The following ZMIZ1 variants were observed in gnomAD, a reference collection of about 807,000 sequenced individuals.
ZMIZ1 encodes zinc finger MIZ-type containing 1.
In ZMIZ1, 17 loss-of-function variants were observed where a neutral mutation model predicts 113.9. That is an observed-to-expected ratio of 0.15 (90% CI 0.10 to 0.22). The LOEUF is 0.22. Among genes scored for constraint, ZMIZ1 ranks in the 10% least tolerant of loss-of-function variants. The probability of loss-of-function intolerance (pLI) is 1.00; values close to 1 mark genes in which losing one functional copy is unlikely to be tolerated. For synonymous variants in ZMIZ1, 607 were observed against 603.1 expected (o/e 1.01, Z -0.09); for missense variants, 1,059 against 1,477.8 (o/e 0.72, Z 4.65).
chr10:79,186,897 CTT>C (rs1337862762), intron 4 of ZMIZ1, among the ~76,000 whole-genome samples: 2 of 152,226 alleles, frequency 1.3e-5, no homozygotes, highest in African/African-American at 4.8e-5. Flanking sequence ...TGCCCACTCT[CTT>C]AACCATCTGC....
chr10:79,173,957 G>A (rs1016774075), intron 4 of ZMIZ1, among the ~76,000 whole-genome samples: 1 of 152,184 alleles, frequency 6.6e-6, no homozygotes, highest in African/African-American at 2.4e-5. Flanking sequence ...AAAGATCAGG[G>A]AAGCTTCTTG....
At chr10:79,191,693 G>A (rs1847610283) in intron 4 of ZMIZ1, among the ~76,000 whole-genome samples, 1 of 152,198 alleles carries the variant, frequency 6.6e-6, no homozygotes, top group Non-Finnish European at 1.5e-5. Flanking sequence ...AGTTGAGGGA[G>A]GTCTGCCATA....
At chr10:79,141,867 C>T (rs1255380456) in intron 3 of ZMIZ1, among the ~76,000 whole-genome samples, 2 of 152,224 alleles carry the variant, frequency 1.3e-5, no homozygotes, top group East Asian at 1.9e-4. Context: ...GGAGGACCCA[C>T]TCCTGTAGGC....
At chr10:79,305,433 G>C in intron 20 of ZMIZ1, 100 bp from the exon 21 acceptor site, 2 of 1,388,692 alleles carry the variant, frequency 1.4e-6, no homozygotes, top group Non-Finnish European at 2.0e-6. Flanking sequence ...GTAGTAACCA[G>C]CAGCAGGGGT....
At chr10:79,203,296 C>G in intron 5 of ZMIZ1, among the ~76,000 whole-genome samples, 1 of 152,194 alleles carries the variant, frequency 6.6e-6, no homozygotes, top group East Asian at 1.9e-4. Flanking sequence ...ATCTTAAAGT[C>G]TATGCAGGGT....
At chr10:79,082,791 C>T (rs989317748) in intron 1 of ZMIZ1, among the ~76,000 whole-genome samples, 1 of 152,174 alleles carries the variant, frequency 6.6e-6, no homozygotes, top group Non-Finnish European at 1.5e-5. Context: ...CCAGGCCCTG[C>T]GTCACTTCCA....
At chr10:79,172,476 C>A (rs943952036) in intron 4 of ZMIZ1, among the ~76,000 whole-genome samples, 49 of 152,190 alleles carry the variant, frequency 3.2e-4, no homozygotes, top group African/African-American at 1.2e-3. Context: ...GCCAGGGCAT[C>A]ATTTATTTGA....
In ZMIZ1 at chr10:79,297,685, A is replaced by G; in HGVS notation, c.1486A>G (p.Asn496Asp). Residue 496 changes from asparagine to aspartate, a missense_variant, in exon 14 of 25, where the codon AAC (asparagine) becomes GAC (aspartate). Asn to Asp is a conservative substitution (Grantham distance 23). Coordinates refer to ENST00000334512, the MANE Select transcript of ZMIZ1 (RefSeq NM_020338.4). ...CAGTAACTACAGCCAAGGGAATGTC[A>G]ACAGGGTATGTTCCAATTTAATTTA... ...SYSNYSQGNV[N>D]RPPRPVPVAN... The G allele has an allele frequency of 6.2e-7, 1 of 1,611,680 alleles. No individual in the cohort carries two copies. The highest frequency in any genetic ancestry group is 8.5e-7 in the Non-Finnish European group (1 of 1,177,770).
rs1309575802 is a variant in ZMIZ1 at position 79,166,003 on chromosome 10, G to GTGTGT, written c.-50+3870_-50+3871insTGTGT. ...GTGTGTGTGTGTGTGTGTGTGTGTG[G>GTGTGT]GCTCTCCCTGCAGGGTGGGGCAGTG... On this transcript the variant is annotated intron_variant, in intron 4 of 24. Transcript: ENST00000334512. Among the ~76,000 whole-genome samples the GTGTGT allele has an allele frequency of 1.2e-3, 54 of 44,508 alleles. 1 individual carries two copies. Among genetic ancestry groups the GTGTGT allele is most frequent in the African/African-American group, 5.4e-3 (47 of 8,658 alleles). The allele number at this position is 44,508 out of a possible 152,430, so 29.2% of individuals were successfully genotyped here. A position where few individuals can be genotyped will look rare whatever the true frequency, so the allele number is the denominator to read the frequency against.
chr10:79,125,001 G>T (rs915954163), intron 2 of ZMIZ1, among the ~76,000 whole-genome samples: 3 of 152,020 alleles, frequency 2.0e-5, no homozygotes, highest in African/African-American at 7.2e-5. Context: ...GTGTGGTCCA[G>T]TCTAAGACTT....
At chr10:79,168,838 T>C (rs1181043096) in intron 4 of ZMIZ1, among the ~76,000 whole-genome samples, 1 of 152,168 alleles carries the variant, frequency 6.6e-6, no homozygotes, top group Non-Finnish European at 1.5e-5. Context: ...CCCTGGCTGC[T>C]GGGTGAGCTG....
At chr10:79,224,732 C>G (rs141145958) in intron 7 of ZMIZ1, among the ~76,000 whole-genome samples, 1 of 152,136 alleles carries the variant, frequency 6.6e-6, no homozygotes, top group African/African-American at 2.4e-5. Context: ...TAGGGGAAGG[C>G]CAGGCTGCTG....
rs1173116775 is a variant in ZMIZ1 at position 79,296,252 on chromosome 10, A to G, written c.1231-219A>G. On this transcript the variant is annotated intron_variant, in intron 12 of 24. Coordinates refer to ENST00000334512, the MANE Select transcript of ZMIZ1 (RefSeq NM_020338.4). The surrounding 1 kb of genome is among the most constrained non-coding windows in gnomAD (Gnocchi z 4.1). The stretch of plus-strand genomic sequence containing the variant: ...CAGGGGCACATGTGCTCCAGGAAGA[A>G]CGGCCTCAAGGGGAGGTGGCCTATG... 2 of 593,840 alleles carry G rather than the reference A, an allele frequency of 3.4e-6. No individual in the cohort carries two copies. The highest frequency in any genetic ancestry group is 6.0e-6 in the Non-Finnish European group (2 of 330,824). The allele number at this position is 593,840 out of a possible 1,614,324, so 36.8% of individuals were successfully genotyped here.
chr10:79,078,570 C>CTTTTT lies in ZMIZ1; in HGVS notation c.-337+9318_-337+9322dup, dbSNP rs34178865. Among the ~76,000 whole-genome samples the CTTTTT allele has an allele frequency of 1.2e-3, 107 of 87,792 alleles. 1 individual carries two copies. The highest frequency in any genetic ancestry group is 9.1e-3 in the Middle Eastern group (1 of 110). 57.6% of individuals were successfully genotyped at this position (87,792 alleles called of 152,430 possible). ...GACTACAGACACCACCCACCCCCGACTTTTTTTTTTTTTTTTTTTTTTGGA... is the reference window on the plus strand; with the variant it reads ...GACTACAGACACCACCCACCCCCGACTTTTTTTTTTTTTTTTTTTTTTTTTTTGGA... On this transcript the variant is annotated intron_variant, in intron 1 of 24. Transcript: ENST00000334512.
At chr10:79,098,789 G>T (rs1418976743) in intron 1 of ZMIZ1, among the ~76,000 whole-genome samples, 1 of 152,212 alleles carries the variant, frequency 6.6e-6, no homozygotes, top group African/African-American at 2.4e-5. Context: ...GGTGGCATGC[G>T]GCTGGGGGCC....
At chr10:79,159,215 C>A (rs74665520) in intron 3 of ZMIZ1, among the ~76,000 whole-genome samples, 8 of 152,322 alleles carry the variant, frequency 5.3e-5, no homozygotes, top group Non-Finnish European at 1.0e-4. Flanking sequence ...TTTATCCTTG[C>A]GGTCTGACCA....
intron 4 of ZMIZ1, among the ~76,000 whole-genome samples, chr10:79,191,094 G>T (rs897415074): frequency 6.6e-6 from 1 of 152,166 alleles, no homozygotes; most frequent in Non-Finnish European, 1.5e-5. Flanking sequence ...GGGAGGTGGA[G>T]GGTTGTATGG....
intron 2 of ZMIZ1, among the ~76,000 whole-genome samples, chr10:79,127,522 A>T (rs1248451218): frequency 6.7e-6 from 1 of 149,964 alleles, no homozygotes; most frequent in African/African-American, 2.4e-5. Flanking sequence ...TCTTATCCTC[A>T]CAACCCCTGA....
chr10:79,147,400 G>A (rs1845535053), intron 3 of ZMIZ1, among the ~76,000 whole-genome samples: 1 of 152,304 alleles, frequency 6.6e-6, no homozygotes, highest in South Asian at 2.1e-4. Flanking sequence ...ACACACATGG[G>A]CACAACCACC....
Sources: allele counts gnomAD v4.1 joint callset (sites outside exome capture counted in the v4.1 genomes callset), GRCh38; gene constraint gnomAD v4.1.1; non-coding constraint Gnocchi (gnomAD v3.1); transcripts MANE v1.5; gene names NCBI Gene and HGNC (gene_info 2026-07-23, HGNC 2026-07-21).